Variants in NEBL observed in about 807,000 individuals in gnomAD.
NEBL encodes the protein nebulette.
Under a neutral mutation model 140.2 loss-of-function variants are expected in NEBL, and 122 were observed. The ratio of observed to expected loss-of-function variants is 0.87; its 90% CI spans 0.75 to 1.01. The LOEUF (loss-of-function observed/expected upper bound fraction) is 1.01. Ranked by LOEUF, NEBL falls within the 50% of genes least tolerant of loss-of-function variation. NEBL has a pLI of 0.00. For missense variants in NEBL, 1,365 were observed against 1,231.3 expected, an observed-to-expected ratio of 1.11 and a Z score of -1.62; for synonymous variants, 436 against 398.9, an observed-to-expected ratio of 1.09 and a Z score of -1.11.
chr10:21,049,247 C>T (rs114181489), intron 2 of NEBL, among the ~76,000 whole-genome samples: 2,514 of 152,262 alleles, frequency 0.017, 75 homozygotes, highest in East Asian at 0.098. Flanking sequence ...CCTAGCCAAG[C>T]TGACATATCA....
intron 16 of NEBL, among the ~76,000 whole-genome samples, chr10:20,829,955 GAGTA>G: frequency 6.6e-6 from 1 of 152,320 alleles, no homozygotes; most frequent in African/African-American, 2.4e-5. Flanking sequence ...ATTCTTGAGA[GAGTA>G]AGTAACTCTT....
intron 3 of NEBL, among the ~76,000 whole-genome samples, chr10:21,000,709 C>T (rs969796338): frequency 6.6e-6 from 1 of 152,178 alleles, no homozygotes; most frequent in Non-Finnish European, 1.5e-5. Context: ...GAGAAAGCAA[C>T]ACCCCAAAAT....
intron 2 of NEBL, among the ~76,000 whole-genome samples, chr10:21,083,152 C>T (rs926859284): frequency 6.6e-6 from 1 of 152,150 alleles, no homozygotes; most frequent in Non-Finnish European, 1.5e-5. Context: ...CATCAGAGCC[C>T]CTTTGGTATA....
At chr10:21,264,422 A>G (rs1842775283) in intron 1 of NEBL, among the ~76,000 whole-genome samples, 1 of 152,126 alleles carries the variant, frequency 6.6e-6, no homozygotes, top group Admixed American at 6.6e-5. Context: ...GGGCCATCCC[A>G]TCCCCACAAG....
chr10:20,868,725 G>A lies in NEBL; in HGVS notation c.623C>T (p.Pro208Leu). 1 of 1,612,546 alleles carries A rather than the reference G, an allele frequency of 6.2e-7. No homozygotes were observed. The highest frequency in any genetic ancestry group is 8.5e-7 in the Non-Finnish European group (1 of 1,178,910). The change falls in exon 7 of 28, where the codon CCC becomes CTC. Residue 208 changes from proline to leucine, a missense_variant. By Grantham distance (98) the Pro-to-Leu change is moderately conservative. Coordinates refer to ENST00000377122, the MANE Select transcript of NEBL (RefSeq NM_006393.3). ...KKGQGIMNKE[P>L]AVIGRPDFEH... is the part of the protein sequence containing the mutation. ...AAAATCTGGTCTTCCAATTACAGCG[G>A]GCTCTTTATTCATTATTCCTTGTCC...
chr10:21,277,524 T>G (rs1441408313), intron 1 of NEBL, among the ~76,000 whole-genome samples: 1 of 152,170 alleles, frequency 6.6e-6, no homozygotes, highest in Non-Finnish European at 1.5e-5. Flanking sequence ...ACTTAACCTT[T>G]CTAGGCTTCA....
At chr10:21,107,705 C>T (rs1376848941) in intron 2 of NEBL, among the ~76,000 whole-genome samples, 1 of 152,152 alleles carries the variant, frequency 6.6e-6, no homozygotes, top group Admixed American at 6.5e-5. Context: ...GGAGGATTCC[C>T]TCTTTTTCTA....
chr10:21,199,610 C>T (rs1841702829), intron 3 of NEBL, among the ~76,000 whole-genome samples: 1 of 152,174 alleles, frequency 6.6e-6, no homozygotes. Flanking sequence ...TTGGACTGAT[C>T]TGAGAAGGAA....
At chr10:21,033,813 T>A (rs974870199) in intron 2 of NEBL, among the ~76,000 whole-genome samples, 1 of 151,792 alleles carries the variant, frequency 6.6e-6, no homozygotes, top group Non-Finnish European at 1.5e-5. Context: ...TTGGCTCTTA[T>A]GATATGGCTC....
At chr10:21,227,405 C>T (rs1189636126) in intron 3 of NEBL, among the ~76,000 whole-genome samples, 1 of 152,154 alleles carries the variant, frequency 6.6e-6, no homozygotes. Context: ...TTTAAAAATG[C>T]CATATGGCAC....
chr10:21,211,622 C>T (rs560653410), intron 3 of NEBL, among the ~76,000 whole-genome samples: 52 of 152,160 alleles, frequency 3.4e-4, no homozygotes, highest in Non-Finnish European at 6.5e-4. Flanking sequence ...TGAGGAAAGC[C>T]AATGAGCTGC....
At chr10:21,211,609 T>C (rs924293552) in intron 3 of NEBL, among the ~76,000 whole-genome samples, 7 of 152,216 alleles carry the variant, frequency 4.6e-5, no homozygotes, top group Admixed American at 6.5e-5. Context: ...CTTGCTTCCC[T>C]GATGAGGAAA....
chr10:21,045,663 A>G (rs778077341), intron 2 of NEBL, among the ~76,000 whole-genome samples: 6 of 152,218 alleles, frequency 3.9e-5, no homozygotes, highest in African/African-American at 1.2e-4. Flanking sequence ...TAAAACCACA[A>G]TGGAAAATCG....
intron 1 of NEBL, among the ~76,000 whole-genome samples, chr10:21,172,684 A>C (rs1191220959): frequency 6.6e-6 from 1 of 151,768 alleles, no homozygotes; most frequent in Non-Finnish European, 1.5e-5. Flanking sequence ...TTAAAGGAAA[A>C]CCCACCGCAA....
intron 4 of NEBL, among the ~76,000 whole-genome samples, chr10:20,924,007 T>C (rs1262044288): frequency 6.6e-6 from 1 of 152,140 alleles, no homozygotes; most frequent in South Asian, 2.1e-4. Context: ...TCAGGAGCTT[T>C]ACTGGGCCCC....
At chr10:21,152,018 A>G (rs1218256686) in intron 2 of NEBL, among the ~76,000 whole-genome samples, 2 of 152,222 alleles carry the variant, frequency 1.3e-5, no homozygotes, top group Non-Finnish European at 2.9e-5. Flanking sequence ...CGCCTGGTTC[A>G]TAGGACAGGC....
chr10:20,782,531 G>A lies in NEBL; in HGVS notation c.*3216C>T, dbSNP rs769426084. The A allele has an allele frequency of 1.3e-5, 2 of 152,278 alleles. No homozygotes were observed. The highest frequency in any genetic ancestry group is 2.9e-5 in the Non-Finnish European group (2 of 68,068). The allele number at this position is 152,278 out of a possible 1,614,324, so 9.4% of individuals were successfully genotyped here. The stretch of plus-strand genomic sequence containing the variant: ...GCTCAGCATGGAGAGGATAAGGAAA[G>A]ACTGTGGCACATTGGAAAAACCAGA... On this transcript the variant is annotated 3_prime_UTR_variant, in exon 28 of 28. Coordinates refer to ENST00000377122, the MANE Select transcript of NEBL (RefSeq NM_006393.3).
intron 26 of NEBL, among the ~76,000 whole-genome samples, chr10:20,798,074 C>T (rs1024979385): frequency 2.0e-5 from 3 of 150,900 alleles, no homozygotes; most frequent in Non-Finnish European, 4.4e-5. Context: ...TGCACTCCAG[C>T]CCCTAGATGA....
At chr10:20,864,522 C>T (rs1588866989) in intron 7 of NEBL, among the ~76,000 whole-genome samples, 1 of 152,194 alleles carries the variant, frequency 6.6e-6, no homozygotes, top group East Asian at 1.9e-4. Flanking sequence ...TGCCCATTCA[C>T]TCTCTGTTCC....
Sources: gnomAD v4.1 joint callset for allele counts (sites outside exome capture counted in the v4.1 genomes callset) on GRCh38, gnomAD v4.1.1 for gene constraint, MANE v1.5 for transcripts, NCBI Gene and HGNC (gene_info 2026-07-23, HGNC 2026-07-21) for gene names.